MARCHF1: variants seen among roughly 807,000 people sequenced by gnomAD.
The protein encoded by MARCHF1 is E3 ubiquitin-protein ligase MARCHF1.
MARCHF1 carries 40 observed loss-of-function variants against 54.2 expected under a neutral mutation model. The ratio of observed to expected loss-of-function variants is 0.74; its 90% CI spans 0.57 to 0.96. MARCHF1 has a LOEUF of 0.96. MARCHF1 is among the 40% of genes least tolerant of loss of function. The probability of loss-of-function intolerance (pLI) is 0.00; values close to 1 mark genes in which losing one functional copy is unlikely to be tolerated. For missense variants in MARCHF1, 586 were observed against 656.5 expected, an observed-to-expected ratio of 0.89 and a Z score of 1.17; for synonymous variants, 236 against 236.3, an observed-to-expected ratio of 1.00 and a Z score of 0.01.
intron 3 of MARCHF1, among the ~76,000 whole-genome samples, chr4:163,947,923 G>C (rs950977731): frequency 1.3e-5 from 2 of 152,168 alleles, no homozygotes; most frequent in Non-Finnish European, 2.9e-5. Flanking sequence ...ATAACTATAT[G>C]ATGTAACATT....
chr4:164,191,845 C>A (rs574911916), intron 1 of MARCHF1, among the ~76,000 whole-genome samples: 1 of 152,180 alleles, frequency 6.6e-6, no homozygotes, highest in Non-Finnish European at 1.5e-5. Context: ...TTACTCAAAT[C>A]CTATTCATGA....
chr4:163,647,967 G>T (rs543747204), intron 5 of MARCHF1, among the ~76,000 whole-genome samples: 7 of 151,422 alleles, frequency 4.6e-5, no homozygotes, highest in Non-Finnish European at 1.0e-4. Flanking sequence ...TGAAGAGTTG[G>T]TTTTTTAAAA....
chr4:164,100,880 A>G (rs1274048369), intron 2 of MARCHF1, among the ~76,000 whole-genome samples: 3 of 152,146 alleles, frequency 2.0e-5, no homozygotes, highest in Admixed American at 6.5e-5. Context: ...AGTGCCAGAC[A>G]GTGGGCGCAG....
intron 1 of MARCHF1, among the ~76,000 whole-genome samples, chr4:164,245,685 A>G (rs376749989): frequency 4.6e-4 from 70 of 151,074 alleles, no homozygotes; most frequent in African/African-American, 1.6e-3. Flanking sequence ...TGACATGATT[A>G]TATATCTAGA....
At chr4:164,358,838 T>C (rs1730638536) in intron 1 of MARCHF1, among the ~76,000 whole-genome samples, 1 of 152,170 alleles carries the variant, frequency 6.6e-6, no homozygotes, top group Admixed American at 6.5e-5. Context: ...TTCTGACTAC[T>C]GATAATATTG....
At chr4:164,013,564 C>G (rs552323160) in intron 2 of MARCHF1, among the ~76,000 whole-genome samples, 19 of 151,992 alleles carry the variant, frequency 1.3e-4, no homozygotes, top group African/African-American at 4.3e-4. Context: ...TAAATTTAAC[C>G]CAAATAAGAC....
intron 4 of MARCHF1, among the ~76,000 whole-genome samples, chr4:163,744,695 A>G (rs1746306441): frequency 6.6e-6 from 1 of 152,180 alleles, no homozygotes; most frequent in Admixed American, 6.5e-5. Context: ...TTACAAGAAA[A>G]TGTTACACCT....
At chr4:164,244,930 G>C (rs2111224215) in intron 1 of MARCHF1, among the ~76,000 whole-genome samples, 1 of 152,162 alleles carries the variant, frequency 6.6e-6, no homozygotes, top group Admixed American at 6.5e-5. Flanking sequence ...TCTCTGAATA[G>C]ACCAATAACA....
intron 1 of MARCHF1, among the ~76,000 whole-genome samples, chr4:164,129,787 T>C (rs1756263421): frequency 6.6e-6 from 1 of 151,942 alleles, no homozygotes; most frequent in Non-Finnish European, 1.5e-5. Flanking sequence ...TGGGACCTAT[T>C]GTGGTTGGGG....
At chr4:164,048,748 A>T (rs545061248) in intron 2 of MARCHF1, among the ~76,000 whole-genome samples, 105 of 152,262 alleles carry the variant, frequency 6.9e-4, no homozygotes, top group African/African-American at 2.5e-3. Context: ...CAATATCAAA[A>T]ATCTATTCAA....
At chr4:163,804,133 A>G (rs768132077) in intron 4 of MARCHF1, among the ~76,000 whole-genome samples, 4 of 152,210 alleles carry the variant, frequency 2.6e-5, no homozygotes, top group African/African-American at 4.8e-5. Context: ...TAGAACTACA[A>G]CAAGACTACT....
At chr4:163,685,750 G>A (rs370965033) in intron 5 of MARCHF1, among the ~76,000 whole-genome samples, 26 of 152,170 alleles carry the variant, frequency 1.7e-4, no homozygotes, top group East Asian at 9.7e-4. Context: ...CACCACACCC[G>A]GCCAATTCTC....
At chr4:164,065,105 G>A (rs1263400703) in intron 2 of MARCHF1, among the ~76,000 whole-genome samples, 3 of 152,076 alleles carry the variant, frequency 2.0e-5, no homozygotes, top group Non-Finnish European at 4.4e-5. Flanking sequence ...ACTGACCTGA[G>A]GTTTTCTTTT....
chr4:164,317,357 G>A (rs1032556171), intron 1 of MARCHF1, among the ~76,000 whole-genome samples: 14 of 152,148 alleles, frequency 9.2e-5, no homozygotes, highest in Non-Finnish European at 1.6e-4. Flanking sequence ...AAGCCTGGAA[G>A]TAAGCTGGTA....
chr4:164,118,229 A>G (rs1305301424), intron 1 of MARCHF1, among the ~76,000 whole-genome samples: 1 of 151,758 alleles, frequency 6.6e-6, no homozygotes, highest in Non-Finnish European at 1.5e-5. Context: ...ATTAACTTGT[A>G]CTTTGGAAAA....
At chr4:163,839,613 T>C (rs1244002584) in intron 4 of MARCHF1, among the ~76,000 whole-genome samples, 1 of 152,110 alleles carries the variant, frequency 6.6e-6, no homozygotes, top group Non-Finnish European at 1.5e-5. Flanking sequence ...AGACTACATA[T>C]TGCATGATTC....
At chr4:164,088,490 T>A (rs894965540) in intron 2 of MARCHF1, among the ~76,000 whole-genome samples, 4 of 152,116 alleles carry the variant, frequency 2.6e-5, no homozygotes, top group African/African-American at 9.7e-5. Context: ...GTAGTCCTAG[T>A]GCTTTGGGAG....
At chr4:164,193,197 C>T (rs1196845034) in intron 1 of MARCHF1, among the ~76,000 whole-genome samples, 1 of 152,104 alleles carries the variant, frequency 6.6e-6, no homozygotes, top group Admixed American at 6.5e-5. Context: ...ACTTGACAAT[C>T]ACCGTGAATC....
At chr4:163,902,843 G>A (rs1750971185) in intron 3 of MARCHF1, among the ~76,000 whole-genome samples, 2 of 151,992 alleles carry the variant, frequency 1.3e-5, no homozygotes, top group Non-Finnish European at 1.5e-5. Context: ...AACATTGTAT[G>A]TCTAAATTCT....
Sources: gnomAD v4.1 joint callset for allele counts (sites outside exome capture counted in the v4.1 genomes callset) on GRCh38, gnomAD v4.1.1 for gene constraint, MANE v1.5 for transcripts, NCBI Gene and HGNC (gene_info 2026-07-23, HGNC 2026-07-21) for gene names.